The following SDK2 variants were observed in gnomAD, a reference collection of about 807,000 sequenced individuals.
The protein encoded by SDK2 is protein sidekick-2.
A neutral mutation model predicts 253.9 loss-of-function variants in SDK2; 105 were observed. The observed-to-expected ratio is 0.41, with a 90% CI of 0.35 to 0.49. The LOEUF (loss-of-function observed/expected upper bound fraction) is 0.49. Among genes scored for constraint, SDK2 ranks in the 20% least tolerant of loss-of-function variants. The pLI, the probability that SDK2 is intolerant of heterozygous loss-of-function variation, is 0.06. For missense variants in SDK2, 2,608 were observed against 3,003.0 expected, an observed-to-expected ratio of 0.87 and a Z score of 3.07; for synonymous variants, 1,249 against 1,234.9, an observed-to-expected ratio of 1.01 and a Z score of -0.24.
At chr17:73,502,000 C>A (rs1421941012) in intron 2 of SDK2, among the ~76,000 whole-genome samples, 1 of 152,032 alleles carries the variant, frequency 6.6e-6, no homozygotes, top group Non-Finnish European at 1.5e-5. Context: ...ACTCTGACCC[C>A]AATGATGGAT....
chr17:73,472,034 C>G, intron 3 of SDK2, 78 bp downstream of exon 3: 2 of 1,076,006 alleles, frequency 1.9e-6, no homozygotes, highest in Non-Finnish European at 1.4e-6. Flanking sequence ...GGATCTGGCT[C>G]TGCCCAGGAT....
At chr17:73,627,728 C>T (rs1326946173) in intron 1 of SDK2, among the ~76,000 whole-genome samples, 2 of 152,194 alleles carry the variant, frequency 1.3e-5, no homozygotes, top group East Asian at 1.9e-4. Context: ...CACCAACCCT[C>T]GAGTGTGAGG....
chr17:73,422,497 TC>T (rs2063241176), intron 14 of SDK2, 63 bp from the exon 15 acceptor site: 2 of 1,557,786 alleles, frequency 1.3e-6, no homozygotes, highest in African/African-American at 2.7e-5. Context: ...TGCTTCTTAC[TC>T]CCCACTCCCA....
rs1435132525 is a variant in SDK2, at chr17:73,399,341, A to T, written c.2972-52T>A. 4 of 1,606,370 alleles carry T rather than the reference A, an allele frequency of 2.5e-6. No homozygotes were observed. In the East Asian group the frequency reaches 8.9e-5, roughly 36 times the overall value. ...GGAGATCCGGTGAGAATGGCCCCCCATGTTGAACGGGACTGTTGGGCATGG... is the reference window on the plus strand; with the variant it reads ...GGAGATCCGGTGAGAATGGCCCCCCTTGTTGAACGGGACTGTTGGGCATGG... On this transcript the variant is annotated intron_variant, in intron 21 of 44. Transcript: ENST00000392650.
At chr17:73,430,728 C>T (rs1377618281) in intron 11 of SDK2, 115 bp from the exon 12 acceptor site, 1 of 653,110 alleles carries the variant, frequency 1.5e-6, no homozygotes, top group East Asian at 3.3e-5. Context: ...AATGAGCTCC[C>T]TGGTACTTTA....
chr17:73,514,207 G>A (rs1389409745), intron 1 of SDK2, among the ~76,000 whole-genome samples: 1 of 152,074 alleles, frequency 6.6e-6, no homozygotes, highest in African/African-American at 2.4e-5. Context: ...CGGAGGTCCC[G>A]GACCAGCAGA....
intron 36 of SDK2, among the ~76,000 whole-genome samples, chr17:73,375,872 A>G (rs1007879055): frequency 6.6e-6 from 1 of 151,140 alleles, no homozygotes; most frequent in Non-Finnish European, 1.5e-5. Context: ...AAAAAGAAAG[A>G]AAGAAATAAA....
chr17:73,613,714 C>T (rs2143145003), intron 1 of SDK2, among the ~76,000 whole-genome samples: 1 of 152,026 alleles, frequency 6.6e-6, no homozygotes, highest in Admixed American at 6.5e-5. Flanking sequence ...CCCCTCCCAG[C>T]TGCCCCACCT....
At chr17:73,502,523 G>A (rs1426241582) in intron 2 of SDK2, among the ~76,000 whole-genome samples, 2 of 152,222 alleles carry the variant, frequency 1.3e-5, no homozygotes, top group African/African-American at 2.4e-5. Context: ...GAGCTCCACT[G>A]GCCAAATTTA....
rs142151463 is a variant in SDK2, at chr17:73,410,964, A to C, written c.2484+3680T>G. Among the ~76,000 whole-genome samples the C allele has an allele frequency of 1.6e-3, 242 of 152,250 alleles. 1 individual carries two copies. The highest frequency in any genetic ancestry group is 5.6e-3 in the African/African-American group (233 of 41,538). Reference sequence around the variant, plus strand: ...TAAAAGTTTGTAGCTCAGCCCTCCCATATGTAGAATAAAACTTGTGCTTAG... The same window carrying C: ...TAAAAGTTTGTAGCTCAGCCCTCCCCTATGTAGAATAAAACTTGTGCTTAG... On this transcript the variant is annotated intron_variant, in intron 18 of 44. Coordinates refer to ENST00000392650, the MANE Select transcript of SDK2 (RefSeq NM_001144952.2).
intron 2 of SDK2, among the ~76,000 whole-genome samples, chr17:73,476,873 C>T (rs1410957497): frequency 3.9e-5 from 6 of 152,210 alleles, no homozygotes; most frequent in Non-Finnish European, 8.8e-5. Flanking sequence ...CTCTGTACCC[C>T]TCTGCGATCG....
chr17:73,412,088 ATATACGTATATATG>A (rs796480464), intron 18 of SDK2, among the ~76,000 whole-genome samples: 91 of 94,936 alleles, frequency 9.6e-4, no homozygotes, highest in Middle Eastern at 5.3e-3. Flanking sequence ...GTATATGTAT[ATATACGTATATATG>A]TATACGTATA....
chr17:73,536,910 T>A (rs1040755106), intron 1 of SDK2, among the ~76,000 whole-genome samples: 3 of 152,110 alleles, frequency 2.0e-5, no homozygotes, highest in African/African-American at 7.2e-5. Flanking sequence ...GGGATCAACA[T>A]CTCTGTCCCT....
At chr17:73,367,148 AG>A (rs1421173124) in intron 37 of SDK2, among the ~76,000 whole-genome samples, 1 of 151,492 alleles carries the variant, frequency 6.6e-6, no homozygotes, top group Admixed American at 6.6e-5. Flanking sequence ...GGATTGGAGA[AG>A]GGTGCACCAC....
At chr17:73,345,093 C>T (rs988976526) in intron 44 of SDK2, among the ~76,000 whole-genome samples, 8 of 152,074 alleles carry the variant, frequency 5.3e-5, no homozygotes, top group African/African-American at 1.4e-4. Context: ...CCGAGGTGGG[C>T]GGATCACCTG....
In SDK2 at chr17:73,423,369, G is replaced by T. The variant is rs763176265; in HGVS notation, c.1897+17C>A. 1.4e-6 allele frequency: 2 copies of T among 1,422,682 alleles called. No individual in the cohort carries two copies. Among genetic ancestry groups the T allele is most frequent in the South Asian group, 1.6e-5 (1 of 62,862 alleles). 88.1% of individuals were successfully genotyped at this position (1,422,682 alleles called of 1,614,324 possible). A position where few individuals can be genotyped will look rare whatever the true frequency, so the allele number is the denominator to read the frequency against. ...AGCTTGGGCGGGAGGTGTTGGAGGT[G>T]ACCACGGGAAGCTTACTGTTCTCCG... On this transcript the variant is annotated intron_variant, in intron 14 of 44. Transcript: ENST00000392650.
chr17:73,405,005 A>C, intron 18 of SDK2, among the ~76,000 whole-genome samples: 1 of 151,604 alleles, frequency 6.6e-6, no homozygotes, highest in African/African-American at 2.4e-5. Flanking sequence ...TCTGAGCCTC[A>C]GGCTATTCTA....
chr17:73,352,396 T>G lies in SDK2; in HGVS notation c.5758+77A>C. 2 of 1,515,380 alleles carry G rather than the reference T, an allele frequency of 1.3e-6. No homozygotes were observed. Among genetic ancestry groups the G allele is most frequent in the East Asian group, 4.8e-5 (2 of 41,616 alleles). The allele number at this position is 1,515,380 out of a possible 1,614,324, so 93.9% of individuals were successfully genotyped here. A position where few individuals can be genotyped will look rare whatever the true frequency, so the allele number is the denominator to read the frequency against. ...GCTCCTGGTGCCCTGGTGCCTCTCCTCCTTCCGCCCTGCCCAGTGTCAGCC... is the reference window on the plus strand; with the variant it reads ...GCTCCTGGTGCCCTGGTGCCTCTCCGCCTTCCGCCCTGCCCAGTGTCAGCC... On this transcript the variant is annotated intron_variant, in intron 41 of 44. Coordinates refer to ENST00000392650, the MANE Select transcript of SDK2 (RefSeq NM_001144952.2). This position sits in a 1 kb window ranked among gnomAD's most constrained non-coding sequence, Gnocchi z 4.1.
intron 1 of SDK2, among the ~76,000 whole-genome samples, chr17:73,633,908 C>T (rs2046299663): frequency 6.6e-6 from 1 of 152,018 alleles, no homozygotes; most frequent in South Asian, 2.1e-4. Context: ...TGCTATTGGG[C>T]TGGCAGGGTG....
Sources: allele counts gnomAD v4.1 joint callset (sites outside exome capture counted in the v4.1 genomes callset), GRCh38; gene constraint gnomAD v4.1.1; non-coding constraint Gnocchi (gnomAD v3.1); transcripts MANE v1.5; gene names NCBI Gene and HGNC (gene_info 2026-07-23, HGNC 2026-07-21).